KLRF1: variants seen among roughly 807,000 people sequenced by gnomAD.
The protein encoded by KLRF1 is killer cell lectin like receptor F1.
Under a neutral mutation model 30.7 loss-of-function variants are expected in KLRF1, and 27 were observed. The ratio of observed to expected loss-of-function variants is 0.88; its 90% CI spans 0.65 to 1.21. The LOEUF (loss-of-function observed/expected upper bound fraction) is 1.21, where lower values mean the gene tolerates loss of function less well. Ranked by LOEUF, KLRF1 falls within the 50% of genes most tolerant of loss-of-function variation. KLRF1 has a pLI of 0.00. For synonymous variants in KLRF1, 92 were observed against 89.3 expected (o/e 1.03, Z -0.17); for missense variants, 246 against 259.3 (o/e 0.95, Z 0.35).
the KLRF1 span, among the ~76,000 whole-genome samples, chr12:9,808,673 C>G: frequency 6.6e-6 from 1 of 152,064 alleles, no homozygotes; most frequent in Non-Finnish European, 1.5e-5. Flanking sequence ...AATCAAAGAG[C>G]TTTAGGCAAG....
the KLRF1 span, among the ~76,000 whole-genome samples, chr12:9,801,815 G>C: frequency 6.6e-6 from 1 of 152,156 alleles, no homozygotes; most frequent in African/African-American, 2.4e-5. Flanking sequence ...TCACTCTGAG[G>C]ATAGTTTACT....
chr12:9,841,862 T>G lies in KLRF1; in HGVS notation c.385T>G (p.Ser129Ala), dbSNP rs751719616. Residue 129 changes from serine to alanine, a missense_variant, in exon 4 of 6, where the codon TCT (serine) becomes GCT (alanine). Coordinates refer to ENST00000617889, the MANE Select transcript of KLRF1 (RefSeq NM_016523.3). ...ATACCAAGGGAAGTGTTATTGGTTCTCTAATGAGATGAAAAGCTGGAGTGA... is the reference window on the plus strand; with the variant it reads ...ATACCAAGGGAAGTGTTATTGGTTCGCTAATGAGATGAAAAGCTGGAGTGA... ...LKYQGKCYWF[S>A]NEMKSWSDSY... 1.2e-6 allele frequency: 2 copies of G among 1,609,338 alleles called. No individual in the cohort carries two copies. The highest frequency in any genetic ancestry group is 1.1e-5 in the South Asian group (1 of 90,974).
chr12:9,813,680 G>A, the KLRF1 span, among the ~76,000 whole-genome samples: 842 of 152,132 alleles, frequency 5.5e-3, 7 homozygotes, highest in African/African-American at 0.019. Context: ...GAACACATTC[G>A]AATTAAGCAG....
rs759395911 is a variant in KLRF1 at position 9,833,464 on chromosome 12, G to A, written c.334+12G>A. ...TGCAGACCAGACAGGTATGTCTCAA[G>A]GCTTTGGCTTATCCTAGTTTTAATC... On this transcript the variant is annotated intron_variant, in intron 3 of 5. Coordinates refer to ENST00000617889, the MANE Select transcript of KLRF1 (RefSeq NM_016523.3). 5.1e-6 allele frequency: 8 copies of A among 1,578,860 alleles called. No individual in the cohort carries two copies. The Admixed American group carries it at 1.1e-4, about 23-fold the overall frequency.
rs769526313 is a variant in KLRF1 at position 9,844,744 on chromosome 12, A to G, written c.*218A>G. 8 of 288,242 alleles carry G rather than the reference A, an allele frequency of 2.8e-5. No homozygotes were observed. Among genetic ancestry groups the G allele is most frequent in the Middle Eastern group, 9.8e-4 (1 of 1,024 alleles). 17.9% of individuals were successfully genotyped at this position (288,242 alleles called of 1,614,324 possible). A position where few individuals can be genotyped will look rare whatever the true frequency, so the allele number is the denominator to read the frequency against. ...AATTTTTACGTGATAGTATAAACCA[A>G]TGTGACTTCATGTGATCATATCCAG... On this transcript the variant is annotated 3_prime_UTR_variant, in exon 6 of 6. Coordinates refer to ENST00000617889, the MANE Select transcript of KLRF1 (RefSeq NM_016523.3).
the KLRF1 span, among the ~76,000 whole-genome samples, chr12:9,822,298 A>C: frequency 2.0e-5 from 3 of 152,248 alleles, no homozygotes. Context: ...GCTGACAGAC[A>C]GAATAACCAC....
intron 1 of KLRF1, among the ~76,000 whole-genome samples, chr12:9,831,652 C>T (rs934854995): frequency 6.6e-6 from 1 of 152,064 alleles, no homozygotes; most frequent in Non-Finnish European, 1.5e-5. Context: ...GACCTAAATC[C>T]TCTGGATGAG....
At chr12:9,844,148 C>G (rs1361263320) in intron 5 of KLRF1, among the ~76,000 whole-genome samples, 1 of 151,982 alleles carries the variant, frequency 6.6e-6, no homozygotes, top group Non-Finnish European at 1.5e-5. Flanking sequence ...TCTAACTGAA[C>G]TACATGGGGC....
At chr12:9,816,903 T>G in the KLRF1 span, among the ~76,000 whole-genome samples, 1 of 151,968 alleles carries the variant, frequency 6.6e-6, no homozygotes, top group East Asian at 1.9e-4. Flanking sequence ...TTTTTTTTTC[T>G]TTTGTATTTT....
At chr12:9,801,943 T>C in the KLRF1 span, among the ~76,000 whole-genome samples, 2 of 152,130 alleles carry the variant, frequency 1.3e-5, no homozygotes, top group Non-Finnish European at 2.9e-5. Context: ...CTCTGAATGG[T>C]ATTGCTTAGG....
chr12:9,805,245 A>C, the KLRF1 span, among the ~76,000 whole-genome samples: 1 of 151,998 alleles, frequency 6.6e-6, no homozygotes, highest in African/African-American at 2.4e-5. Context: ...TCAGAAGCCC[A>C]AAATCAAGCT....
At chr12:9,810,808 T>C in the KLRF1 span, among the ~76,000 whole-genome samples, 1 of 152,214 alleles carries the variant, frequency 6.6e-6, no homozygotes, top group Non-Finnish European at 1.5e-5. Flanking sequence ...GACTTGCCAG[T>C]GTACTTCCCA....
chr12:9,809,373 T>C, the KLRF1 span, among the ~76,000 whole-genome samples: 1 of 152,202 alleles, frequency 6.6e-6, no homozygotes, highest in Non-Finnish European at 1.5e-5. Context: ...TTTCAAACCA[T>C]CTTAACTTTC....
In KLRF1 at chr12:9,844,962, A is replaced by G. The variant is rs1867780449; in HGVS notation, c.*436A>G. The G allele has an allele frequency of 6.6e-6, 1 of 152,328 alleles. No homozygotes were observed. The highest frequency in any genetic ancestry group is 2.4e-5 in the African/African-American group (1 of 41,394). 9.4% of individuals were successfully genotyped at this position (152,328 alleles called of 1,614,324 possible). A position where few individuals can be genotyped will look rare whatever the true frequency, so the allele number is the denominator to read the frequency against. On this transcript the variant is annotated 3_prime_UTR_variant, in exon 6 of 6. Coordinates refer to ENST00000617889, the MANE Select transcript of KLRF1 (RefSeq NM_016523.3). ...TTAACTTTGTTTCCAGGCTTTTGCT[A>G]CTCTTCACTCAGCTACAATAAACAT...
At chr12:9,818,955 G>A in the KLRF1 span, among the ~76,000 whole-genome samples, 1 of 152,190 alleles carries the variant, frequency 6.6e-6, no homozygotes, top group Non-Finnish European at 1.5e-5. Flanking sequence ...TCAATCCGTG[G>A]AGGATGAAGT....
chr12:9,835,492 CAAG>C (rs763650885), intron 3 of KLRF1, among the ~76,000 whole-genome samples: 33 of 151,990 alleles, frequency 2.2e-4, no homozygotes, highest in Non-Finnish European at 4.4e-4. Context: ...TATAAGTAAA[CAAG>C]AAGAGGGCCT....
At chr12:9,806,930 G>T in the KLRF1 span, among the ~76,000 whole-genome samples, 1 of 152,044 alleles carries the variant, frequency 6.6e-6, no homozygotes, top group African/African-American at 2.4e-5. Context: ...TGACCCTTCT[G>T]CCCAGCTTCT....
the KLRF1 span, chr12:9,817,322 G>T: frequency 4.3e-6 from 1 of 234,046 alleles, no homozygotes; most frequent in South Asian, 5.3e-5. Context: ...ATAACCTTAA[G>T]AATTCTGCCT....
chr12:9,815,548 C>T, the KLRF1 span, among the ~76,000 whole-genome samples: 1 of 152,298 alleles, frequency 6.6e-6, no homozygotes, highest in East Asian at 1.9e-4. Context: ...CTACGCACTC[C>T]ATCTTTCTTT....
Sources: gnomAD v4.1 joint callset for allele counts (sites outside exome capture counted in the v4.1 genomes callset) on GRCh38, gnomAD v4.1.1 for gene constraint, MANE v1.5 for transcripts, NCBI Gene and HGNC (gene_info 2026-07-23, HGNC 2026-07-21) for gene names.